Variants in ST8SIA5 observed in about 807,000 individuals in gnomAD.
ST8SIA5 encodes alpha-2,8-sialyltransferase 8E.
In ST8SIA5, 24 loss-of-function variants were observed where a neutral mutation model predicts 40.2. The observed-to-expected ratio is 0.60, with a 90% confidence interval of 0.43 to 0.84. The LOEUF (loss-of-function observed/expected upper bound fraction) is 0.84. Ranked by LOEUF, ST8SIA5 falls within the 40% of genes least tolerant of loss-of-function variation. The probability of loss-of-function intolerance (pLI) is 0.00; values close to 1 mark genes in which losing one functional copy is unlikely to be tolerated. For synonymous variants in ST8SIA5, 198 were observed against 201.8 expected (o/e 0.98, Z 0.16); for missense variants, 465 against 498.5 (o/e 0.93, Z 0.64).
chr18:46,719,698 C>CTT (rs1280024250), intron 1 of ST8SIA5, among the ~76,000 whole-genome samples: 3 of 147,836 alleles, frequency 2.0e-5, no homozygotes, highest in African/African-American at 7.5e-5. Context: ...TTCTTTCTTT[C>CTT]TTTCTTTCTC....
intron 2 of ST8SIA5, among the ~76,000 whole-genome samples, chr18:46,699,878 G>C (rs1196124047): frequency 6.6e-6 from 1 of 152,190 alleles, no homozygotes; most frequent in Admixed American, 6.5e-5. Context: ...GCACAAAAGG[G>C]GCTCCCAGTC....
chr18:46,737,463 G>A (rs12455532), intron 1 of ST8SIA5, among the ~76,000 whole-genome samples: 11,123 of 152,250 alleles, frequency 0.073, 744 homozygotes, highest in East Asian at 0.31. Context: ...CTGAGAGGGC[G>A]TTTAACGAAT....
chr18:46,673,493 G>C lies in ST8SIA5; in HGVS notation c.*6549C>G, dbSNP rs2039321229. The C allele has an allele frequency of 6.6e-6, 1 of 152,060 alleles. No individual in the cohort carries two copies. The highest frequency in any genetic ancestry group is 1.5e-5 in the Non-Finnish European group (1 of 68,036). 9.4% of individuals were successfully genotyped at this position (152,060 alleles called of 1,614,324 possible). A position where few individuals can be genotyped will look rare whatever the true frequency, so the allele number is the denominator to read the frequency against. On this transcript the variant is annotated 3_prime_UTR_variant, in exon 7 of 7. Coordinates refer to ENST00000315087, the MANE Select transcript of ST8SIA5 (RefSeq NM_013305.6). Reference sequence around the variant, plus strand: ...GGCAACTTCTGAACCACAAGCAGTTGTATGCTCAGGGAACAGATAGGGCCT... The same window carrying C: ...GGCAACTTCTGAACCACAAGCAGTTCTATGCTCAGGGAACAGATAGGGCCT...
At position 46,670,622 on chromosome 18, in the gene ST8SIA5, A is replaced by G. The variant is rs2039303318; in HGVS notation, c.*9420T>C. 1 of 152,082 alleles carries G rather than the reference A, an allele frequency of 6.6e-6. No individual in the cohort carries two copies. Among genetic ancestry groups the G allele is most frequent in the African/African-American group, 2.4e-5 (1 of 41,412 alleles). 9.4% of individuals were successfully genotyped at this position (152,082 alleles called of 1,614,324 possible). ...GTGCTTTTGTATTCTTTATTGAGAC[A>G]GGGTTTTGCCATGTTGCCCAGGTTG... On this transcript the variant is annotated 3_prime_UTR_variant, in exon 7 of 7. Transcript: ENST00000315087.
At chr18:46,694,931 G>A (rs1237267310) in intron 2 of ST8SIA5, among the ~76,000 whole-genome samples, 1 of 152,022 alleles carries the variant, frequency 6.6e-6, no homozygotes, top group Admixed American at 6.5e-5. Context: ...GGCCGAGGCG[G>A]GCGGATCATC....
At position 46,680,198 on chromosome 18, in the gene ST8SIA5, G is replaced by A. The variant is rs749828628; in HGVS notation, c.975C>T (p.Pro325=). The change falls in exon 7 of 7, where the codon CCC becomes CCT. Residue 325 remains proline, a synonymous_variant. Transcript: ENST00000315087. ...EVHLFGFWAF[P]MNPSGLYITH... ...TGATGTAGAGGCCCGAGGGGTTCAT[G>A]GGGAAGGCCCAGAAGCCAAAGAGGT... is the stretch of plus-strand genomic sequence containing the variant. 1 of 1,614,224 alleles carries A rather than the reference G, an allele frequency of 6.2e-7. No individual in the cohort carries two copies. Among genetic ancestry groups the A allele is most frequent in the Non-Finnish European group, 8.5e-7 (1 of 1,180,044 alleles).
At chr18:46,718,048 G>A (rs1156524543) in intron 1 of ST8SIA5, among the ~76,000 whole-genome samples, 2 of 152,136 alleles carry the variant, frequency 1.3e-5, no homozygotes, top group Non-Finnish European at 2.9e-5. Context: ...AATTATTCCG[G>A]CTGGGTGCTG....
chr18:46,728,110 G>A (rs899418556), intron 1 of ST8SIA5, among the ~76,000 whole-genome samples: 14 of 151,322 alleles, frequency 9.3e-5, no homozygotes, highest in African/African-American at 3.4e-4. Context: ...CAGGAGAATC[G>A]CTTGAACCCA....
At chr18:46,710,354 C>CT (rs1385637861) in intron 1 of ST8SIA5, among the ~76,000 whole-genome samples, 2 of 146,722 alleles carry the variant, frequency 1.4e-5, no homozygotes, top group African/African-American at 5.1e-5. Flanking sequence ...TTCCTTCTTT[C>CT]CTTCTTTCTT....
chr18:46,734,729 T>G (rs888994142), intron 1 of ST8SIA5, among the ~76,000 whole-genome samples: 2 of 152,192 alleles, frequency 1.3e-5, no homozygotes, highest in Non-Finnish European at 2.9e-5. Context: ...GCCTTCTGAC[T>G]CCAGCAGCAA....
At chr18:46,711,613 G>T (rs149297751) in intron 1 of ST8SIA5, among the ~76,000 whole-genome samples, 260 of 152,258 alleles carry the variant, frequency 1.7e-3, no homozygotes, top group Non-Finnish European at 2.8e-3. Context: ...AACAGCTGCC[G>T]TCTCGAGATA....
intron 1 of ST8SIA5, among the ~76,000 whole-genome samples, chr18:46,705,151 T>C (rs570113970): frequency 6.6e-6 from 1 of 152,334 alleles, no homozygotes; most frequent in South Asian, 2.1e-4. Context: ...CTGAGACTGA[T>C]GGGCCTTTCT....
chr18:46,750,783 GACAT>G (rs940063876), intron 1 of ST8SIA5, among the ~76,000 whole-genome samples: 1 of 152,096 alleles, frequency 6.6e-6, no homozygotes, highest in Non-Finnish European at 1.5e-5. Context: ...TATAGGTGCA[GACAT>G]CCTTCAAGGC....
At chr18:46,714,060 C>T (rs1345162443) in intron 1 of ST8SIA5, among the ~76,000 whole-genome samples, 1 of 152,174 alleles carries the variant, frequency 6.6e-6, no homozygotes, top group African/African-American at 2.4e-5. Context: ...CCAGCTGAGA[C>T]TTAGGGAGGA....
intron 1 of ST8SIA5, among the ~76,000 whole-genome samples, chr18:46,734,726 G>C (rs2040017917): frequency 6.6e-6 from 1 of 152,168 alleles, no homozygotes; most frequent in Non-Finnish European, 1.5e-5. Flanking sequence ...TCTGCCTTCT[G>C]ACTCCAGCAG....
rs572558305 is a variant in ST8SIA5 at position 46,687,889 on chromosome 18, C to A, written c.456+886G>T. On this transcript the variant is annotated intron_variant, in intron 4 of 6. Coordinates refer to ENST00000315087, the MANE Select transcript of ST8SIA5 (RefSeq NM_013305.6). ...TGTGGTTATGAACACACCCATGCAA[C>A]CTTCCTCCTCTTCAGAGTCCATACG... Among the ~76,000 whole-genome samples the A allele has an allele frequency of 1.2e-3, 187 of 152,352 alleles. No homozygotes were observed. The South Asian group carries it at 0.021, about 17-fold the overall frequency.
At chr18:46,735,723 C>T (rs1207437858) in intron 1 of ST8SIA5, among the ~76,000 whole-genome samples, 1 of 152,138 alleles carries the variant, frequency 6.6e-6, no homozygotes, top group Non-Finnish European at 1.5e-5. Context: ...AGCAATCCTC[C>T]CACCTCAGCC....
At position 46,675,867 on chromosome 18, in the gene ST8SIA5, T is replaced by G. The variant is rs1046031290; in HGVS notation, c.*4175A>C. 1 of 150,402 alleles carries G rather than the reference T, an allele frequency of 6.6e-6. No homozygotes were observed. The highest frequency in any genetic ancestry group is 1.5e-5 in the Non-Finnish European group (1 of 67,634). The allele number at this position is 150,402 out of a possible 1,614,324, so 9.3% of individuals were successfully genotyped here. A position where few individuals can be genotyped will look rare whatever the true frequency, so the allele number is the denominator to read the frequency against. On this transcript the variant is annotated 3_prime_UTR_variant, in exon 7 of 7. Transcript: ENST00000315087. ...GAGTTCGAGACTAGCCTCGTCAACA[T>G]AGCAAAACCCCGTTTCTACAAAAAA...
rs2039327108 is a variant in ST8SIA5 at position 46,674,324 on chromosome 18, AAAAG to A, written c.*5714_*5717del. 1 of 152,190 alleles carries A rather than the reference AAAAG, an allele frequency of 6.6e-6. No homozygotes were observed. Among genetic ancestry groups the A allele is most frequent in the African/African-American group, 2.4e-5 (1 of 41,426 alleles). The allele number at this position is 152,190 out of a possible 1,614,324, so 9.4% of individuals were successfully genotyped here. The stretch of plus-strand genomic sequence containing the variant: ...AGCAGGATTATAATGAGGGAAAACA[AAAAG>A]AGGCTAGCCAAGCCCATAAGCCCCC... On this transcript the variant is annotated 3_prime_UTR_variant, in exon 7 of 7. Coordinates refer to ENST00000315087, the MANE Select transcript of ST8SIA5 (RefSeq NM_013305.6).
Sources: allele counts gnomAD v4.1 joint callset (sites outside exome capture counted in the v4.1 genomes callset), GRCh38; gene constraint gnomAD v4.1.1; transcripts MANE v1.5; gene names NCBI Gene and HGNC (gene_info 2026-07-23, HGNC 2026-07-21).